Variants in SLC39A11 observed in about 807,000 individuals in gnomAD.
SLC39A11 encodes the protein solute carrier family 39 member 11, also known as zinc transporter ZIP11.
Under a neutral mutation model 36.1 loss-of-function variants are expected in SLC39A11, and 33 were observed. That is an observed-to-expected ratio of 0.91 (90% CI 0.69 to 1.22). The LOEUF (loss-of-function observed/expected upper bound fraction) is 1.22. Among genes scored for constraint, SLC39A11 ranks in the 50% most tolerant of loss-of-function variants. The probability of loss-of-function intolerance (pLI) is 0.00; values close to 1 mark genes in which losing one functional copy is unlikely to be tolerated. For missense variants in SLC39A11, 432 were observed against 430.3 expected (o/e 1.00, Z -0.03); for synonymous variants, 166 against 170.3 (o/e 0.97, Z 0.20).
intron 6 of SLC39A11, among the ~76,000 whole-genome samples, chr17:72,816,211 T>G (rs1226223010): frequency 6.6e-6 from 1 of 152,204 alleles, no homozygotes; most frequent in South Asian, 2.1e-4. Context: ...CATGACTATA[T>G]TCTTCAGATG....
chr17:72,922,621 C>G (rs2083740498), intron 5 of SLC39A11, among the ~76,000 whole-genome samples: 1 of 152,106 alleles, frequency 6.6e-6, no homozygotes, highest in Admixed American at 6.5e-5. Context: ...TTAAGGAGCT[C>G]AATGAGTAGA....
chr17:72,788,196 T>A (rs2145015844), intron 6 of SLC39A11, among the ~76,000 whole-genome samples: 1 of 152,302 alleles, frequency 6.6e-6, no homozygotes, highest in East Asian at 1.9e-4. Context: ...GCCCAGGTAT[T>A]TACTCCATAC....
chr17:72,735,495 T>A (rs947754600), intron 7 of SLC39A11, among the ~76,000 whole-genome samples: 1 of 152,174 alleles, frequency 6.6e-6, no homozygotes, highest in Non-Finnish European at 1.5e-5. Context: ...TGGGACTGCA[T>A]CAGTCTGAAG....
At chr17:72,881,897 C>A (rs368507214) in intron 5 of SLC39A11, among the ~76,000 whole-genome samples, 2 of 152,320 alleles carry the variant, frequency 1.3e-5, no homozygotes, top group South Asian at 4.1e-4. Context: ...TTATTTTCTT[C>A]AGTTTTACTA....
At chr17:73,021,350 T>C (rs2058346409) in intron 4 of SLC39A11, among the ~76,000 whole-genome samples, 2 of 152,036 alleles carry the variant, frequency 1.3e-5, no homozygotes, top group Non-Finnish European at 2.9e-5. Context: ...TTCTTTCTTT[T>C]TTTTTTTAAG....
At chr17:73,046,007 T>C (rs894168703) in intron 3 of SLC39A11, among the ~76,000 whole-genome samples, 1 of 152,188 alleles carries the variant, frequency 6.6e-6, no homozygotes, top group African/African-American at 2.4e-5. Context: ...TGATCCAATC[T>C]GTTCCAGATC....
rs996885490 is a variant in SLC39A11, at chr17:72,842,743, C to A, written c.601+6891G>T. 3.3e-5 allele frequency among the ~76,000 whole-genome samples: 5 copies of A among 152,290 alleles called. No individual in the cohort carries two copies. The South Asian group carries it at 1.0e-3, about 32-fold the overall frequency. ...CAGACACAAACACCCTAGACCACCC[C>A]CACAGATGCACCCAGGCAGGCGCCA... On this transcript the variant is annotated intron_variant, in intron 6 of 9. Transcript: ENST00000255559.
chr17:72,786,995 T>G (rs2076539255), intron 6 of SLC39A11, among the ~76,000 whole-genome samples: 2 of 151,822 alleles, frequency 1.3e-5, no homozygotes, highest in South Asian at 4.2e-4. Flanking sequence ...AATTTTTGTA[T>G]TTTTAGTAGA....
chr17:72,885,452 A>C (rs751046527), intron 5 of SLC39A11, among the ~76,000 whole-genome samples: 6 of 152,118 alleles, frequency 3.9e-5, no homozygotes, highest in Non-Finnish European at 8.8e-5. Flanking sequence ...GCATTCACTG[A>C]AGATTCCAGC....
chr17:72,784,421 C>T (rs1183607163), intron 6 of SLC39A11, among the ~76,000 whole-genome samples: 1 of 152,092 alleles, frequency 6.6e-6, no homozygotes, highest in African/African-American at 2.4e-5. Flanking sequence ...TCTAAGAAGA[C>T]AGGGGGTTTG....
intron 5 of SLC39A11, among the ~76,000 whole-genome samples, chr17:72,914,093 T>C (rs1384080152): frequency 6.6e-6 from 1 of 150,762 alleles, no homozygotes; most frequent in African/African-American, 2.4e-5. Flanking sequence ...GGTGGGTGGA[T>C]CACCTGAGAT....
chr17:72,976,169 CAAAAA>C (rs71154939), intron 4 of SLC39A11, among the ~76,000 whole-genome samples: 2 of 68,376 alleles, frequency 2.9e-5, no homozygotes, highest in African/African-American at 6.0e-5. Flanking sequence ...GACTCCATCT[CAAAAA>C]AAAAAAAAAA....
intron 6 of SLC39A11, among the ~76,000 whole-genome samples, chr17:72,737,922 C>G (rs2074502013): frequency 6.6e-6 from 1 of 152,160 alleles, no homozygotes; most frequent in Non-Finnish European, 1.5e-5. Flanking sequence ...AGGGAGCCAC[C>G]ATCTGAATAA....
At chr17:72,826,815 C>T (rs2078048265) in intron 6 of SLC39A11, among the ~76,000 whole-genome samples, 1 of 152,070 alleles carries the variant, frequency 6.6e-6, no homozygotes, top group African/African-American at 2.4e-5. Flanking sequence ...CTTACAACCA[C>T]TAGGATGGCT....
intron 7 of SLC39A11, among the ~76,000 whole-genome samples, chr17:72,693,913 C>T (rs911415950): frequency 2.6e-5 from 4 of 152,178 alleles, no homozygotes; most frequent in Non-Finnish European, 4.4e-5. Flanking sequence ...CCACCCGCCT[C>T]GGCCTCCCAA....
chr17:72,761,133 TGA>T (rs1216610422), intron 6 of SLC39A11, among the ~76,000 whole-genome samples: 3 of 152,098 alleles, frequency 2.0e-5, no homozygotes, highest in Non-Finnish European at 2.9e-5. Flanking sequence ...TGTTTTGTTT[TGA>T]GATGGAGTTC....
intron 4 of SLC39A11, among the ~76,000 whole-genome samples, chr17:73,012,529 G>GT (rs58612518): frequency 9.3e-4 from 137 of 147,978 alleles, no homozygotes; most frequent in Admixed American, 1.9e-3. Flanking sequence ...GTATTTCCCA[G>GT]TTTTTTTTTT....
intron 3 of SLC39A11, among the ~76,000 whole-genome samples, chr17:73,044,886 A>G (rs1393952010): frequency 6.9e-6 from 1 of 144,184 alleles, no homozygotes; most frequent in African/African-American, 2.9e-5. Flanking sequence ...CAGAAAAAAA[A>G]AAAAAAAAAA....
At chr17:72,681,361 C>T (rs1214459215) in intron 7 of SLC39A11, among the ~76,000 whole-genome samples, 1 of 152,146 alleles carries the variant, frequency 6.6e-6, no homozygotes, top group Non-Finnish European at 1.5e-5. Flanking sequence ...AAGTGAGGAG[C>T]TGCATGATTA....
Sources: gnomAD v4.1 joint callset for allele counts (sites outside exome capture counted in the v4.1 genomes callset) on GRCh38, gnomAD v4.1.1 for gene constraint, MANE v1.5 for transcripts, NCBI Gene and HGNC (gene_info 2026-07-23, HGNC 2026-07-21) for gene names.